DNAH12: variants seen among roughly 807,000 people sequenced by gnomAD.
The protein encoded by DNAH12 is dynein axonemal heavy chain 12.
DNAH12 carries 285 observed loss-of-function variants against 371.5 expected under a neutral mutation model. The observed-to-expected ratio is 0.77, with a 90% CI of 0.70 to 0.85. The LOEUF is 0.85. Ranked by LOEUF, DNAH12 falls within the 40% of genes least tolerant of loss-of-function variation. DNAH12 has a pLI of 0.00. For synonymous variants in DNAH12, 1,200 were observed against 1,213.0 expected (o/e 0.99, Z 0.22); for missense variants, 3,611 against 3,689.4 (o/e 0.98, Z 0.55).
intron 65 of DNAH12, among the ~76,000 whole-genome samples, chr3:57,317,843 T>C (rs1379531715): frequency 6.6e-6 from 1 of 152,210 alleles, no homozygotes; most frequent in African/African-American, 2.4e-5. Flanking sequence ...TTTTGTTTTT[T>C]TGAAAATAGC....
At chr3:57,535,746 C>T (rs796833596) in intron 2 of DNAH12, among the ~76,000 whole-genome samples, 44 of 151,280 alleles carry the variant, frequency 2.9e-4, no homozygotes, top group African/African-American at 8.7e-4. Context: ...TTCTCCATGT[C>T]GGTCAGGCTG....
intron 35 of DNAH12, among the ~76,000 whole-genome samples, chr3:57,422,176 G>A (rs1382310901): frequency 1.3e-5 from 2 of 151,654 alleles, no homozygotes; most frequent in African/African-American, 4.9e-5. Context: ...GCCTCCTAGA[G>A]TGCTAGGATT....
chr3:57,428,897 GAT>G, intron 33 of DNAH12, 76 bp from the exon 34 acceptor site: 5 of 1,359,612 alleles, frequency 3.7e-6, no homozygotes, highest in Non-Finnish European at 4.9e-6. Context: ...TATTTCTTAA[GAT>G]GACTTATGAG....
chr3:57,431,427 C>T (rs2064953327), intron 32 of DNAH12, among the ~76,000 whole-genome samples: 1 of 152,164 alleles, frequency 6.6e-6, no homozygotes. Flanking sequence ...ACCTTCTCTC[C>T]AGAAATAATA....
intron 12 of DNAH12, among the ~76,000 whole-genome samples, chr3:57,487,072 C>A (rs933394917): frequency 2.0e-5 from 3 of 151,892 alleles, no homozygotes; most frequent in African/African-American, 7.3e-5. Flanking sequence ...GAATGGCAAA[C>A]GAAGTTGAAG....
At chr3:57,411,012 G>T (rs1257824383) in intron 39 of DNAH12, among the ~76,000 whole-genome samples, 2 of 151,548 alleles carry the variant, frequency 1.3e-5, no homozygotes, top group African/African-American at 4.9e-5. Flanking sequence ...TCATACTAAG[G>T]GCTAGCAATA....
At chr3:57,417,347 T>C (rs2064412474) in intron 37 of DNAH12, among the ~76,000 whole-genome samples, 1 of 152,176 alleles carries the variant, frequency 6.6e-6, no homozygotes, top group Non-Finnish European at 1.5e-5. Context: ...AGCCAAACTA[T>C]GCTAGTATTA....
chr3:57,378,611 C>T (rs2063328509), intron 52 of DNAH12, among the ~76,000 whole-genome samples: 1 of 152,170 alleles, frequency 6.6e-6, no homozygotes, highest in Non-Finnish European at 1.5e-5. Flanking sequence ...AAGGGCAAAG[C>T]CTTTGTTGCC....
chr3:57,402,648 G>T (rs1452534187), intron 43 of DNAH12, among the ~76,000 whole-genome samples: 1 of 152,166 alleles, frequency 6.6e-6, no homozygotes, highest in Non-Finnish European at 1.5e-5. Context: ...CCTCATGGAG[G>T]TAGAGAGTAG....
chr3:57,347,943 AG>A (rs1329000095), intron 60 of DNAH12, among the ~76,000 whole-genome samples: 6 of 152,204 alleles, frequency 3.9e-5, no homozygotes, highest in African/African-American at 7.2e-5. Flanking sequence ...ACGGCCACTC[AG>A]GAAGACAGTT....
chr3:57,359,062 G>C (rs1305941787), intron 58 of DNAH12, among the ~76,000 whole-genome samples: 2 of 152,086 alleles, frequency 1.3e-5, no homozygotes, highest in African/African-American at 4.8e-5. Flanking sequence ...GGGATTACAG[G>C]CATGAGCCAC....
At chr3:57,356,329 G>A (rs2153324717) in intron 59 of DNAH12, among the ~76,000 whole-genome samples, 1 of 152,112 alleles carries the variant, frequency 6.6e-6, no homozygotes, top group East Asian at 1.9e-4. Flanking sequence ...TGTAGTCCCA[G>A]CTGCTCTGAA....
intron 60 of DNAH12, among the ~76,000 whole-genome samples, chr3:57,338,151 T>G (rs1195155394): frequency 6.6e-6 from 1 of 152,190 alleles, no homozygotes; most frequent in Non-Finnish European, 1.5e-5. Flanking sequence ...TGCCTGGGAT[T>G]GCAGGCACGC....
intron 43 of DNAH12, among the ~76,000 whole-genome samples, chr3:57,401,619 C>A (rs544395513): frequency 6.7e-6 from 1 of 148,888 alleles, no homozygotes; most frequent in Non-Finnish European, 1.5e-5. Flanking sequence ...AATCAACAAC[C>A]TAACTAGACA....
intron 38 of DNAH12, among the ~76,000 whole-genome samples, chr3:57,414,287 G>A (rs886766065): frequency 3.9e-5 from 6 of 152,146 alleles, no homozygotes; most frequent in Non-Finnish European, 8.8e-5. Flanking sequence ...TATAGTATAT[G>A]CATGTTTCTA....
intron 11 of DNAH12, chr3:57,498,577 T>C (rs2067396387): frequency 1.4e-6 from 1 of 716,462 alleles, no homozygotes; most frequent in Non-Finnish European, 2.6e-6. Flanking sequence ...GCACAAAGAC[T>C]TGTAAACAGA....
intron 2 of DNAH12, among the ~76,000 whole-genome samples, chr3:57,528,726 C>CAAA (rs1387052838): frequency 1.7e-5 from 2 of 120,574 alleles, no homozygotes; most frequent in African/African-American, 6.0e-5. Flanking sequence ...AACTCTGTCT[C>CAAA]AAAAAAAAAA....
chr3:57,453,617 C>T (rs2065820891), intron 23 of DNAH12, among the ~76,000 whole-genome samples: 1 of 151,406 alleles, frequency 6.6e-6, no homozygotes, highest in East Asian at 1.9e-4. Flanking sequence ...GAGTCTCTGT[C>T]GCCCAGGCTG....
chr3:57,373,492 T>TC (rs2063220045), intron 55 of DNAH12, among the ~76,000 whole-genome samples: 2 of 151,314 alleles, frequency 1.3e-5, no homozygotes, highest in African/African-American at 4.9e-5. Context: ...TTTTTTTTTT[T>TC]TTTTTGTATT....
Sources: allele counts gnomAD v4.1 joint callset (sites outside exome capture counted in the v4.1 genomes callset), GRCh38; gene constraint gnomAD v4.1.1; transcripts MANE v1.5; gene names NCBI Gene and HGNC (gene_info 2026-07-23, HGNC 2026-07-21).